The following GNG12 variants were observed in gnomAD, a reference collection of about 807,000 sequenced individuals.
GNG12 encodes guanine nucleotide-binding protein G(I)/G(S)/G(O) subunit gamma-12.
For missense variants in GNG12, 69 were observed against 83.8 expected, an observed-to-expected ratio of 0.82 and a Z score of 0.69; for synonymous variants, 28 against 29.7, an observed-to-expected ratio of 0.94 and a Z score of 0.19.
At chr1:67,709,890 TTA>T (rs1214788275) in intron 2 of GNG12, among the ~76,000 whole-genome samples, 5 of 114,246 alleles carry the variant, frequency 4.4e-5, no homozygotes, top group African/African-American at 1.1e-4. Flanking sequence ...ATATATATAG[TTA>T]TATATATATT....
At chr1:67,706,079 G>C (rs1365552475) in intron 3 of GNG12, among the ~76,000 whole-genome samples, 1 of 152,222 alleles carries the variant, frequency 6.6e-6, no homozygotes, top group Non-Finnish European at 1.5e-5. Context: ...CAGACAGAAG[G>C]AGGGAGAGAG....
At chr1:67,756,634 A>G (rs958156815) in intron 2 of GNG12, among the ~76,000 whole-genome samples, 1 of 152,120 alleles carries the variant, frequency 6.6e-6, no homozygotes, top group Non-Finnish European at 1.5e-5. Flanking sequence ...GTGTGTGCAT[A>G]TGTGTGTGAT....
At chr1:67,779,449 C>T (rs1646724743) in intron 1 of GNG12, among the ~76,000 whole-genome samples, 1 of 152,174 alleles carries the variant, frequency 6.6e-6, no homozygotes, top group Non-Finnish European at 1.5e-5. Flanking sequence ...CCTCAGACTA[C>T]TCTAAAAAGC....
At chr1:67,830,058 T>G (rs1647034326) in intron 1 of GNG12, among the ~76,000 whole-genome samples, 1 of 143,616 alleles carries the variant, frequency 7.0e-6, no homozygotes, top group African/African-American at 2.6e-5. Flanking sequence ...CAGGCTGGAG[T>G]GCAATGGCAC....
At chr1:67,832,815 C>A (rs1215348275) in intron 1 of GNG12, among the ~76,000 whole-genome samples, 1 of 151,704 alleles carries the variant, frequency 6.6e-6, no homozygotes, top group African/African-American at 2.4e-5. Flanking sequence ...CGGCTGGTCC[C>A]GGGAGGTAGA....
At chr1:67,758,246 T>A (rs1418255666) in intron 2 of GNG12, among the ~76,000 whole-genome samples, 1 of 152,194 alleles carries the variant, frequency 6.6e-6, no homozygotes, top group East Asian at 1.9e-4. Context: ...AGTATTGGGA[T>A]TACAGGTGTG....
intron 1 of GNG12, among the ~76,000 whole-genome samples, chr1:67,815,416 T>G (rs1402012756): frequency 6.6e-6 from 1 of 152,148 alleles, no homozygotes; most frequent in African/African-American, 2.4e-5. Context: ...TGAGTAACAC[T>G]CATGTCCCAG....
chr1:67,744,305 G>T (rs1010262907), intron 2 of GNG12, among the ~76,000 whole-genome samples: 1 of 152,098 alleles, frequency 6.6e-6, no homozygotes, highest in Non-Finnish European at 1.5e-5. Flanking sequence ...GGTTCCCCGG[G>T]TGCCTACTAA....
chr1:67,833,298 C>A, intron 1 of GNG12, 46 bp downstream of exon 1: 1 of 787,982 alleles, frequency 1.3e-6, no homozygotes, highest in South Asian at 5.5e-5. Flanking sequence ...CGCCCCGACC[C>A]CGCGGGGACC....
intron 2 of GNG12, among the ~76,000 whole-genome samples, chr1:67,724,714 G>A (rs1372731027): frequency 2.0e-5 from 3 of 152,096 alleles, no homozygotes; most frequent in Admixed American, 6.5e-5. Flanking sequence ...TAAAGTTCAG[G>A]AACAGGCAAA....
At chr1:67,766,360 A>G (rs954185595) in intron 2 of GNG12, among the ~76,000 whole-genome samples, 3 of 149,746 alleles carry the variant, frequency 2.0e-5, no homozygotes, top group African/African-American at 7.3e-5. Flanking sequence ...ACAGTGCTAG[A>G]AAGATATTCA....
chr1:67,750,740 T>C (rs768983732), intron 2 of GNG12, among the ~76,000 whole-genome samples: 1 of 152,230 alleles, frequency 6.6e-6, no homozygotes, highest in Non-Finnish European at 1.5e-5. Context: ...TTTCTCAGAA[T>C]ATCCTATATC....
At chr1:67,803,513 G>A (rs767621773) in intron 1 of GNG12, among the ~76,000 whole-genome samples, 2 of 152,204 alleles carry the variant, frequency 1.3e-5, no homozygotes, top group Non-Finnish European at 1.5e-5. Flanking sequence ...AGCAAATCAC[G>A]AGGAAACAGT....
intron 2 of GNG12, among the ~76,000 whole-genome samples, chr1:67,713,095 C>T (rs1295834021): frequency 1.3e-5 from 2 of 152,136 alleles, no homozygotes; most frequent in African/African-American, 4.8e-5. Context: ...TTGCTGATTG[C>T]CTTGTGTTTG....
chr1:67,723,380 A>G (rs1646367124), intron 2 of GNG12, among the ~76,000 whole-genome samples: 1 of 152,216 alleles, frequency 6.6e-6, no homozygotes, highest in South Asian at 2.1e-4. Flanking sequence ...AGGGAGTGTT[A>G]GGGAGGAAGG....
chr1:67,789,784 C>T (rs920354634), intron 1 of GNG12, among the ~76,000 whole-genome samples: 10 of 151,552 alleles, frequency 6.6e-5, no homozygotes, highest in South Asian at 4.2e-4. Flanking sequence ...TGTAGATGAG[C>T]GCACTTCCCC....
At chr1:67,818,739 C>T (rs113959721) in intron 1 of GNG12, among the ~76,000 whole-genome samples, 2 of 152,178 alleles carry the variant, frequency 1.3e-5, no homozygotes, top group African/African-American at 4.8e-5. Context: ...GAATAATGTT[C>T]ACTGAGGATT....
rs181724104 is a variant in GNG12, at chr1:67,798,237, G to A, written c.-76-20730C>T. The stretch of plus-strand genomic sequence containing the variant: ...GAACTCTGCTTCCTGTGGACTCAGC[G>A]GCAGCATCAATTTCTTAGGAAGCAC... On this transcript the variant is annotated intron_variant, in intron 1 of 3. Transcript: ENST00000370982. Among the ~76,000 whole-genome samples, 155 of 152,252 alleles carry A rather than the reference G, an allele frequency of 1.0e-3. 1 individual carries two copies. The highest frequency in any genetic ancestry group is 3.6e-3 in the African/African-American group (151 of 41,546).
intron 2 of GNG12, among the ~76,000 whole-genome samples, chr1:67,709,904 TTATATAGTTATATATATAGTTA>T (rs1646273683): frequency 3.0e-5 from 2 of 66,630 alleles, no homozygotes; most frequent in East Asian, 3.5e-4. Flanking sequence ...ATATATATTT[TTATATAGTTATATATATAGTTA>T]TATATATAGT....
Sources: allele counts gnomAD v4.1 joint callset (sites outside exome capture counted in the v4.1 genomes callset), GRCh38; gene constraint gnomAD v4.1.1; transcripts MANE v1.5; gene names NCBI Gene and HGNC (gene_info 2026-07-23, HGNC 2026-07-21).